PHACTR3: variants seen among roughly 807,000 people sequenced by gnomAD.
PHACTR3 encodes protein phosphatase 1, regulatory subunit 123.
In PHACTR3, 16 loss-of-function variants were observed where a neutral mutation model predicts 66.8. The observed-to-expected ratio is 0.24, with a 90% CI of 0.16 to 0.36. PHACTR3 has a LOEUF of 0.36. Ranked by LOEUF, PHACTR3 falls within the 10% of genes least tolerant of loss-of-function variation. PHACTR3 has a pLI of 1.00. For missense variants in PHACTR3, 647 were observed against 719.9 expected (o/e 0.90, Z 1.16); for synonymous variants, 323 against 292.1 (o/e 1.11, Z -1.08).
intron 4 of PHACTR3, among the ~76,000 whole-genome samples, chr20:59,760,482 T>C (rs941310065): frequency 3.9e-5 from 6 of 152,168 alleles, no homozygotes; most frequent in Non-Finnish European, 7.3e-5. Context: ...ACTGTTCTCA[T>C]GGTAGTGAAT....
intron 7 of PHACTR3, among the ~76,000 whole-genome samples, chr20:59,783,756 C>T (rs181662303): frequency 6.6e-6 from 1 of 152,212 alleles, no homozygotes; most frequent in Non-Finnish European, 1.5e-5. Context: ...AGGGTCCCAG[C>T]CCGCAGGTGC....
At chr20:59,643,834 G>C (rs1348070511) in intron 1 of PHACTR3, among the ~76,000 whole-genome samples, 2 of 152,130 alleles carry the variant, frequency 1.3e-5, no homozygotes, top group Non-Finnish European at 2.9e-5. Context: ...GGGATAGAAG[G>C]CCTTCTGCCT....
intron 1 of PHACTR3, among the ~76,000 whole-genome samples, chr20:59,727,265 C>T (rs1164246278): frequency 6.6e-6 from 1 of 152,122 alleles, no homozygotes; most frequent in Non-Finnish European, 1.5e-5. Flanking sequence ...TAGCAGGTGT[C>T]CAGGCCTCAT....
At chr20:59,650,951 G>A (rs1208283027) in intron 1 of PHACTR3, among the ~76,000 whole-genome samples, 2 of 151,970 alleles carry the variant, frequency 1.3e-5, no homozygotes, top group Admixed American at 6.6e-5. Flanking sequence ...TTTTTCTTGT[G>A]TCTTTTAACA....
chr20:59,807,884 A>G (rs541861406), intron 8 of PHACTR3, among the ~76,000 whole-genome samples: 1 of 152,156 alleles, frequency 6.6e-6, no homozygotes, highest in South Asian at 2.1e-4. Context: ...TTTCTGGACA[A>G]TATGTGCACC....
intron 1 of PHACTR3, among the ~76,000 whole-genome samples, chr20:59,704,958 C>CT (rs552743155): frequency 0.052 from 7,206 of 139,860 alleles, 493 homozygotes; most frequent in African/African-American, 0.16. Flanking sequence ...AAGACTTTCT[C>CT]TTTTTTTTTT....
intron 1 of PHACTR3, among the ~76,000 whole-genome samples, chr20:59,674,817 C>CCCCCTTCTCCTGTT (rs2036378440): frequency 0.015 from 501 of 33,180 alleles, 66 homozygotes; most frequent in African/African-American, 0.14. Context: ...CTTCTCCTGT[C>CCCCCTTCTCCTGTT]CCCCACTTCT....
intron 1 of PHACTR3, among the ~76,000 whole-genome samples, chr20:59,664,073 C>T (rs1311696346): frequency 6.6e-6 from 1 of 152,106 alleles, no homozygotes; most frequent in African/African-American, 2.4e-5. Flanking sequence ...AAAAGCCACA[C>T]TTAACTGTAA....
At chr20:59,743,016 C>A in intron 1 of PHACTR3, 91 bp from the exon 2 acceptor site, 1 of 1,413,132 alleles carries the variant, frequency 7.1e-7, no homozygotes, top group Non-Finnish European at 9.7e-7. Context: ...TCACTGGTGA[C>A]CCCTTAGGGT....
chr20:59,841,084 T>C (rs2059051153), intron 10 of PHACTR3, among the ~76,000 whole-genome samples: 1 of 152,200 alleles, frequency 6.6e-6, no homozygotes. Context: ...GCTTATCTAA[T>C]TGTATCTGAA....
rs144503488 is a variant in PHACTR3, at chr20:59,659,912, T to A, written c.118+54780T>A. On this transcript the variant is annotated intron_variant, in intron 1 of 12. Coordinates refer to ENST00000371015, the MANE Select transcript of PHACTR3 (RefSeq NM_080672.5). ...CGTTTGTTTTCTAGTCCCACTGGAG[T>A]GCTCCCTCTGCCCTGCTACTCAGAC... Among the ~76,000 whole-genome samples, 1,360 of 152,110 alleles carry A rather than the reference T, an allele frequency of 8.9e-3. 25 individuals carry two copies. The highest frequency in any genetic ancestry group is 0.031 in the African/African-American group (1,279 of 41,480).
intron 1 of PHACTR3, among the ~76,000 whole-genome samples, chr20:59,680,887 T>C (rs2036618475): frequency 6.6e-6 from 1 of 152,162 alleles, no homozygotes; most frequent in Non-Finnish European, 1.5e-5. Context: ...GGTGGGCCAC[T>C]CCCGGATTCC....
chr20:59,626,191 C>T (rs1173973647), intron 1 of PHACTR3, among the ~76,000 whole-genome samples: 3 of 152,214 alleles, frequency 2.0e-5, no homozygotes, highest in African/African-American at 7.2e-5. Flanking sequence ...TTAAGCCTGT[C>T]ACCGTTTTTT....
At chr20:59,752,024 A>G (rs571038561) in intron 3 of PHACTR3, among the ~76,000 whole-genome samples, 49 of 152,220 alleles carry the variant, frequency 3.2e-4, no homozygotes, top group African/African-American at 1.0e-3. Flanking sequence ...AATTTAAGGA[A>G]TTTCCTACCC....
At chr20:59,645,686 G>A (rs567012102) in intron 1 of PHACTR3, among the ~76,000 whole-genome samples, 29 of 151,898 alleles carry the variant, frequency 1.9e-4, no homozygotes, top group African/African-American at 1.7e-4. Context: ...TGTGTGTGGC[G>A]TGTGTGTGTG....
At chr20:59,701,325 GGT>G (rs1217173756) in intron 1 of PHACTR3, among the ~76,000 whole-genome samples, 2 of 152,170 alleles carry the variant, frequency 1.3e-5, no homozygotes, top group African/African-American at 4.8e-5. Context: ...AGAAAACAGT[GGT>G]CCAGAGAGAT....
At chr20:59,582,712 TC>T (rs1247557371) in intron 1 of PHACTR3, among the ~76,000 whole-genome samples, 3 of 152,244 alleles carry the variant, frequency 2.0e-5, no homozygotes, top group Non-Finnish European at 4.4e-5. Flanking sequence ...GATTTCACTC[TC>T]TGAGCGTTGC....
intron 1 of PHACTR3, among the ~76,000 whole-genome samples, chr20:59,630,423 T>G (rs1010398872): frequency 6.6e-6 from 1 of 152,218 alleles, no homozygotes; most frequent in African/African-American, 2.4e-5. Context: ...CCTCAGGTGA[T>G]CCGCCCGCCT....
chr20:59,672,978 G>A (rs1344942180), intron 1 of PHACTR3, among the ~76,000 whole-genome samples: 2 of 152,176 alleles, frequency 1.3e-5, no homozygotes, highest in African/African-American at 4.8e-5. Flanking sequence ...GAGAGGCCCT[G>A]GACACAGAGC....
Sources: gnomAD v4.1 joint callset for allele counts (sites outside exome capture counted in the v4.1 genomes callset) on GRCh38, gnomAD v4.1.1 for gene constraint, MANE v1.5 for transcripts, NCBI Gene and HGNC (gene_info 2026-07-23, HGNC 2026-07-21) for gene names.